PDE1A: variants seen among roughly 807,000 people sequenced by gnomAD.
The protein encoded by PDE1A is dual specificity calcium/calmodulin-dependent 3',5'-cyclic nucleotide phosphodiesterase 1A.
A neutral mutation model predicts 61.7 loss-of-function variants in PDE1A; 35 were observed. That is an observed-to-expected ratio of 0.57 (90% confidence interval 0.43 to 0.75). The LOEUF (loss-of-function observed/expected upper bound fraction) is 0.75, where lower values mean the gene tolerates loss of function less well. Among genes scored for constraint, PDE1A ranks in the 30% least tolerant of loss-of-function variants. The probability of loss-of-function intolerance (pLI) is 0.00; values close to 1 mark genes in which losing one functional copy is unlikely to be tolerated. For missense variants in PDE1A, 597 were observed against 630.6 expected (o/e 0.95, Z 0.57); for synonymous variants, 232 against 213.2 (o/e 1.09, Z -0.77).
chr2:182,232,756 C>T (rs1336357502), intron 4 of PDE1A, among the ~76,000 whole-genome samples: 1 of 152,140 alleles, frequency 6.6e-6, no homozygotes, highest in Non-Finnish European at 1.5e-5. Context: ...TATCAAACTC[C>T]AAAGCTAACA....
At position 182,364,497 on chromosome 2, in the gene PDE1A, A is replaced by AAAAAAAAAAAAC. The variant is rs1699724122; in HGVS notation, c.53+62080_53+62081insGTTTTTTTTTTT. Among the ~76,000 whole-genome samples the AAAAAAAAAAAAC allele has an allele frequency of 2.1e-5, 3 of 146,202 alleles. No homozygotes were observed. The Admixed American group carries it at 2.1e-4, about 10-fold the overall frequency. On this transcript the variant is annotated intron_variant, in intron 1 of 13. Coordinates refer to ENST00000351439, the Ensembl canonical transcript of PDE1A. ...AAAAAAAAAAAAAAAAAAAAAAAAA[A>AAAAAAAAAAAAC]AACCTTATTCTGAATTATTTGCTAG...
intron 1 of PDE1A, among the ~76,000 whole-genome samples, chr2:182,396,593 A>T (rs917225761): frequency 1.8e-4 from 27 of 152,236 alleles, no homozygotes; most frequent in Admixed American, 1.8e-3. Context: ...TGTACTAAGA[A>T]AATATCTTCA....
intron 10 of PDE1A, 71 bp downstream of exon 10, chr2:182,201,368 C>T (rs1206006275): frequency 6.4e-7 from 1 of 1,551,580 alleles, no homozygotes; most frequent in Non-Finnish European, 8.7e-7. Flanking sequence ...GGATTCCATA[C>T]AGAAAAGGTG....
intron 8 of PDE1A, among the ~76,000 whole-genome samples, chr2:182,202,527 C>G (rs1686749420): frequency 6.6e-6 from 1 of 152,176 alleles, no homozygotes; most frequent in Admixed American, 6.5e-5. Flanking sequence ...GAGACTGAGT[C>G]ACCCAGTCAC....
chr2:182,489,653 A>C (rs2125876017), intron 2 of PDE1A, among the ~76,000 whole-genome samples: 1 of 152,344 alleles, frequency 6.6e-6, no homozygotes, highest in South Asian at 2.1e-4. Flanking sequence ...TCAAGCTTTT[A>C]GAAGCTTCTG....
At chr2:182,697,210 G>A in the PDE1A span, among the ~76,000 whole-genome samples, 1 of 152,122 alleles carries the variant, frequency 6.6e-6, no homozygotes, top group Non-Finnish European at 1.5e-5. Flanking sequence ...GGCTCATGAA[G>A]GCAGGAGCAC....
intron 13 of PDE1A, among the ~76,000 whole-genome samples, chr2:182,160,410 T>C (rs982157012): frequency 6.6e-6 from 1 of 152,134 alleles, no homozygotes; most frequent in Non-Finnish European, 1.5e-5. Flanking sequence ...CAGTTAGGGA[T>C]GTAGGTAAAG....
chr2:182,299,232 T>G (rs1160558081), intron 1 of PDE1A, among the ~76,000 whole-genome samples: 2 of 151,784 alleles, frequency 1.3e-5, no homozygotes, highest in Non-Finnish European at 2.9e-5. Context: ...AATGGAGGCC[T>G]GGCCCAAGTC....
chr2:182,199,461 CT>C (rs375713599), intron 10 of PDE1A, among the ~76,000 whole-genome samples: 2 of 152,016 alleles, frequency 1.3e-5, no homozygotes, highest in Admixed American at 6.5e-5. Context: ...AAAATTTCCC[CT>C]AAGCACTGCT....
intron 2 of PDE1A, among the ~76,000 whole-genome samples, chr2:182,453,618 A>C (rs919370077): frequency 6.6e-6 from 1 of 152,078 alleles, no homozygotes; most frequent in Non-Finnish European, 1.5e-5. Context: ...TCAACATATG[A>C]AAATCAATAA....
the PDE1A span, among the ~76,000 whole-genome samples, chr2:182,589,044 AAATAATAAT>A: frequency 0.29 from 39,409 of 137,944 alleles, 6,432 homozygotes; most frequent in East Asian, 0.54. Context: ...CTCTGTCTCA[AAATAATAAT>A]AATAATAATA....
intron 1 of PDE1A, among the ~76,000 whole-genome samples, chr2:182,316,756 ATACGAAAACAT>A: frequency 1.3e-5 from 2 of 152,302 alleles, no homozygotes; most frequent in East Asian, 3.9e-4. Context: ...GACTCTGAAT[ATACGAAAACAT>A]TTTAAAAATT....
chr2:182,481,020 C>A (rs1687668076), intron 2 of PDE1A, among the ~76,000 whole-genome samples: 1 of 151,860 alleles, frequency 6.6e-6, no homozygotes, highest in African/African-American at 2.4e-5. Context: ...GAAGACTGCT[C>A]CTTCCATTCT....
chr2:182,549,225 C>T, the PDE1A span, among the ~76,000 whole-genome samples: 1 of 151,636 alleles, frequency 6.6e-6, no homozygotes, highest in Non-Finnish European at 1.5e-5. Context: ...AAATAACAAG[C>T]ACAATCGATT....
intron 13 of PDE1A, among the ~76,000 whole-genome samples, chr2:182,158,623 T>C (rs1445077219): frequency 2.6e-5 from 4 of 152,234 alleles, no homozygotes; most frequent in Non-Finnish European, 5.9e-5. Flanking sequence ...TGAACTTCTA[T>C]TGCTAACTCT....
chr2:182,403,208 A>C (rs1392787821), intron 1 of PDE1A, among the ~76,000 whole-genome samples: 2 of 152,246 alleles, frequency 1.3e-5, no homozygotes, highest in Non-Finnish European at 2.9e-5. Flanking sequence ...ATTCTAGTAC[A>C]AAGACACATG....
rs138269632 is a variant in PDE1A, at chr2:182,334,729, C to T, written c.54-70315G>A. ...CAAAACCAGCACAAAAAAAGGATGT[C>T]CTCTTTCACCACCCCTATTCAACAT... On this transcript the variant is annotated intron_variant, in intron 1 of 13. Coordinates refer to ENST00000351439, the Ensembl canonical transcript of PDE1A. 4.4e-3 allele frequency among the ~76,000 whole-genome samples: 669 copies of T among 152,266 alleles called. 5 individuals are homozygous for T. Among genetic ancestry groups the T allele is most frequent in the Non-Finnish European group, 6.9e-3 (470 of 68,028 alleles).
intron 2 of PDE1A, among the ~76,000 whole-genome samples, chr2:182,439,169 T>A (rs992737664): frequency 1.3e-5 from 2 of 151,940 alleles, no homozygotes; most frequent in East Asian, 1.9e-4. Flanking sequence ...AAGAAAGAAG[T>A]ATAATGGTAA....
chr2:182,276,743 A>C (rs1036935667), intron 1 of PDE1A, among the ~76,000 whole-genome samples: 5 of 152,070 alleles, frequency 3.3e-5, no homozygotes, highest in Non-Finnish European at 5.9e-5. Flanking sequence ...ACAGAGGTGC[A>C]AGTAGGGAAG....
Sources: gnomAD v4.1 joint callset for allele counts (sites outside exome capture counted in the v4.1 genomes callset) on GRCh38, gnomAD v4.1.1 for gene constraint, MANE v1.5 for transcripts, NCBI Gene and HGNC (gene_info 2026-07-23, HGNC 2026-07-21) for gene names.